PLXNC1: variants seen among roughly 807,000 people sequenced by gnomAD.
PLXNC1 encodes the protein plexin-C1.
A neutral mutation model predicts 178.2 loss-of-function variants in PLXNC1; 75 were observed. The observed-to-expected ratio is 0.42, with a 90% confidence interval of 0.35 to 0.51. PLXNC1 has a LOEUF of 0.51. Among genes scored for constraint, PLXNC1 ranks in the 20% least tolerant of loss-of-function variants. The pLI, the probability that PLXNC1 is intolerant of heterozygous loss-of-function variation, is 0.02. For missense variants in PLXNC1, 1,503 were observed against 1,984.4 expected (o/e 0.76, Z 4.61); for synonymous variants, 790 against 779.9 (o/e 1.01, Z -0.22).
In PLXNC1 at chr12:94,149,087, T is replaced by C; in HGVS notation, c.116T>C (p.Val39Ala). 1.3e-6 allele frequency: 2 copies of C among 1,575,156 alleles called. No homozygotes were observed. The highest frequency in any genetic ancestry group is 1.7e-4 in the Middle Eastern group (1 of 5,954). ...AAPGRGADEP[V>A]WRSEQAIGAI... ...CCCGGCCGGGGCGCGGACGAGCCCG[T>C]GTGGCGGTCGGAGCAAGCCATCGGA... is the stretch of plus-strand genomic sequence containing the variant. Residue 39 changes from valine to alanine, a missense_variant, in exon 1 of 31, where the codon GTG (valine) becomes GCG (alanine). Transcript: ENST00000258526.
chr12:94,279,754 G>C lies in PLXNC1; in HGVS notation c.3775+105G>C, dbSNP rs367640512. On this transcript the variant is annotated intron_variant, in intron 22 of 30. Transcript: ENST00000258526. ...CCCTGCCCCCACCAGCTTCCATTCAGTGACACTTACACAGCCAGGTTGTTC... is the reference window on the plus strand; with the variant it reads ...CCCTGCCCCCACCAGCTTCCATTCACTGACACTTACACAGCCAGGTTGTTC... 4.4e-4 allele frequency: 443 copies of C among 1,016,148 alleles called. 2 individuals carry two copies. The African/African-American group carries it at 6.0e-3, about 14-fold the overall frequency. The allele number at this position is 1,016,148 out of a possible 1,614,324, so 62.9% of individuals were successfully genotyped here.
chr12:94,278,913 G>T (rs1413809423), intron 21 of PLXNC1, among the ~76,000 whole-genome samples: 1 of 152,070 alleles, frequency 6.6e-6, no homozygotes, highest in African/African-American at 2.4e-5. Flanking sequence ...CAGGAGAATT[G>T]CTTGAACCCA....
chr12:94,189,399 G>A (rs112507221), intron 4 of PLXNC1, among the ~76,000 whole-genome samples: 1 of 152,068 alleles, frequency 6.6e-6, no homozygotes, highest in Non-Finnish European at 1.5e-5. Context: ...ATTGTTAGGG[G>A]CAGGCGCGGT....
chr12:94,297,158 T>A (rs1271101675), intron 24 of PLXNC1, 31 bp from the exon 25 acceptor site: 1 of 1,612,522 alleles, frequency 6.2e-7, no homozygotes, highest in Non-Finnish European at 8.5e-7. Flanking sequence ...TTTAATGGAC[T>A]GCTTTCTCTC....
chr12:94,267,269 G>A (rs11107489), intron 21 of PLXNC1, among the ~76,000 whole-genome samples: 17,285 of 152,176 alleles, frequency 0.11, 1,180 homozygotes, highest in African/African-American at 0.19. Flanking sequence ...ATCAGGAAGA[G>A]GTCAGATGTC....
intron 2 of PLXNC1, among the ~76,000 whole-genome samples, chr12:94,177,137 A>ATATGTGTGTGTGTGTGTGTGTG: frequency 1.5e-5 from 1 of 67,412 alleles, no homozygotes; most frequent in Middle Eastern, 6.0e-3. Context: ...GTGTATATAT[A>ATATGTGTGTGTGTGTGTGTGTG]TGTGTGTGTG....
At chr12:94,189,231 C>T (rs544537819) in intron 4 of PLXNC1, among the ~76,000 whole-genome samples, 2 of 152,040 alleles carry the variant, frequency 1.3e-5, no homozygotes, top group African/African-American at 4.8e-5. Context: ...GGCCAGGGAG[C>T]TGAGGGAGCA....
intron 23 of PLXNC1, among the ~76,000 whole-genome samples, chr12:94,290,366 A>AT (rs1268825013): frequency 2.0e-5 from 3 of 152,246 alleles, no homozygotes; most frequent in Non-Finnish European, 4.4e-5. Context: ...GAATTGAAAA[A>AT]TCAGCCAGCA....
intron 3 of PLXNC1, among the ~76,000 whole-genome samples, chr12:94,183,292 A>T (rs1011200575): frequency 1.3e-5 from 2 of 152,234 alleles, no homozygotes; most frequent in Non-Finnish European, 2.9e-5. Flanking sequence ...AAAGTCAGTT[A>T]TATCAAAATG....
At chr12:94,225,836 A>G (rs1963922314) in intron 7 of PLXNC1, among the ~76,000 whole-genome samples, 1 of 152,172 alleles carries the variant, frequency 6.6e-6, no homozygotes, top group Non-Finnish European at 1.5e-5. Context: ...ATCCACGCAA[A>G]AGCCAGTGTG....
Position 94,303,749 on chromosome 12 carries a change from TCCCC to T in PLXNC1, c.4387-6_4387-3del. 2.2e-6 allele frequency: 3 copies of T among 1,344,376 alleles called. No individual in the cohort carries two copies. The highest frequency in any genetic ancestry group is 1.9e-6 in the Non-Finnish European group (2 of 1,027,086). 83.3% of individuals were successfully genotyped at this position (1,344,376 alleles called of 1,614,324 possible). A position where few individuals can be genotyped will look rare whatever the true frequency, so the allele number is the denominator to read the frequency against. On this transcript the variant is annotated splice_polypyrimidine_tract_variant and splice_region_variant and intron_variant, in intron 28 of 30. Coordinates refer to ENST00000258526, the MANE Select transcript of PLXNC1 (RefSeq NM_005761.3). ...GATGGTTGCTTTTTTTTTTTTTTTT[TCCCC>T]AGGAAGCACCAACTAATAAGCTTCT...
chr12:94,284,957 C>G, intron 23 of PLXNC1, among the ~76,000 whole-genome samples: 1 of 152,190 alleles, frequency 6.6e-6, no homozygotes, highest in Non-Finnish European at 1.5e-5. Context: ...CCATTAGAAG[C>G]TGTGGATTTC....
At chr12:94,242,736 G>A (rs957600303) in intron 11 of PLXNC1, among the ~76,000 whole-genome samples, 3 of 152,162 alleles carry the variant, frequency 2.0e-5, no homozygotes, top group African/African-American at 7.2e-5. Flanking sequence ...AGACATTGAT[G>A]TGGCATGCCC....
chr12:94,298,521 C>T (rs552966390), intron 26 of PLXNC1, 111 bp from the exon 27 acceptor site: 2 of 884,464 alleles, frequency 2.3e-6, no homozygotes, highest in African/African-American at 1.7e-5. Context: ...GTTTGTTTTT[C>T]CCTGTTTTGA....
In PLXNC1 at chr12:94,166,793, G is replaced by A. The variant is rs181674364; in HGVS notation, c.1063-2360G>A. ...GCTACTTTTTTTTTTTTAAGGTAAG[G>A]TCTCACTTTGTTGTCCAGGCTGGAG... On this transcript the variant is annotated intron_variant, in intron 1 of 30. Coordinates refer to ENST00000258526, the MANE Select transcript of PLXNC1 (RefSeq NM_005761.3). Among the ~76,000 whole-genome samples, 4 of 151,120 alleles carry A rather than the reference G, an allele frequency of 2.6e-5. No individual in the cohort carries two copies. In the East Asian group the frequency reaches 7.8e-4, roughly 29 times the overall value.
chr12:94,150,432 T>G (rs7358716), intron 1 of PLXNC1, among the ~76,000 whole-genome samples: 2 of 152,214 alleles, frequency 1.3e-5, no homozygotes, highest in Non-Finnish European at 2.9e-5. Context: ...AGCAGGCGTG[T>G]GGGTCTGACC....
intron 9 of PLXNC1, among the ~76,000 whole-genome samples, chr12:94,236,230 A>C (rs1482862348): frequency 6.6e-6 from 1 of 152,250 alleles, no homozygotes; most frequent in Admixed American, 6.5e-5. Flanking sequence ...GTCATGTTAC[A>C]TCATTGCTGT....
intron 26 of PLXNC1, among the ~76,000 whole-genome samples, chr12:94,298,356 A>G (rs999122350): frequency 3.3e-5 from 5 of 152,220 alleles, no homozygotes; most frequent in African/African-American, 1.2e-4. Context: ...TGACATTTCA[A>G]CTGCTAGAGA....
chr12:94,162,597 A>G (rs1206991517), intron 1 of PLXNC1, among the ~76,000 whole-genome samples: 1 of 152,212 alleles, frequency 6.6e-6, no homozygotes. Flanking sequence ...AGACTCTTGC[A>G]CTAGATCGGG....
Sources: allele counts gnomAD v4.1 joint callset (sites outside exome capture counted in the v4.1 genomes callset), GRCh38; gene constraint gnomAD v4.1.1; transcripts MANE v1.5; gene names NCBI Gene and HGNC (gene_info 2026-07-23, HGNC 2026-07-21).